The following DDX60L variants were observed in gnomAD, a reference collection of about 807,000 sequenced individuals.
The protein encoded by DDX60L is DExD/H-box 60 like, also known as probable ATP-dependent RNA helicase DDX60-like.
Under a neutral mutation model 211.6 loss-of-function variants are expected in DDX60L, and 191 were observed. That is an observed-to-expected ratio of 0.90 (90% CI 0.80 to 1.02). The LOEUF (loss-of-function observed/expected upper bound fraction) is 1.02, where lower values mean the gene tolerates loss of function less well. DDX60L is among the 50% of genes least tolerant of loss of function. The pLI is 0.00. For synonymous variants in DDX60L, 706 were observed against 694.1 expected, an observed-to-expected ratio of 1.02 and a Z score of -0.27; for missense variants, 2,007 against 1,984.1, an observed-to-expected ratio of 1.01 and a Z score of -0.22.
In DDX60L at chr4:168,461,878, G is replaced by A. The variant is rs746804270; in HGVS notation, c.427C>T (p.Leu143=). The A allele has an allele frequency of 1.3e-5, 21 of 1,611,456 alleles. No homozygotes were observed. In the South Asian group the frequency reaches 2.3e-4, roughly 18 times the overall value. ...CTCAGGCCTTCCTCTGAAACTATCA[G>A]AAAATACGGGTAATGCTGTTCCAAG... ...LFLEQHYPYF[L]IVSEEGLSDL... Residue 143 remains leucine, a synonymous_variant, in exon 5 of 38, where the codon CTG becomes TTG. Coordinates refer to ENST00000682922, the MANE Select transcript of DDX60L (RefSeq NM_001012967.3).
At chr4:168,408,549 G>A (rs1748144384) in intron 22 of DDX60L, among the ~76,000 whole-genome samples, 1 of 151,998 alleles carries the variant, frequency 6.6e-6, no homozygotes, top group Admixed American at 6.5e-5. Context: ...ATCATTATAT[G>A]GTTGTATCGG....
At chr4:168,418,230 G>A (rs899040823) in intron 19 of DDX60L, among the ~76,000 whole-genome samples, 2 of 152,120 alleles carry the variant, frequency 1.3e-5, no homozygotes, top group Non-Finnish European at 2.9e-5. Context: ...ACCATGCCTG[G>A]ATAGTTTTTG....
intron 1 of DDX60L, among the ~76,000 whole-genome samples, chr4:168,477,278 G>A (rs1759678018): frequency 6.6e-6 from 1 of 152,180 alleles, no homozygotes. Flanking sequence ...AGCCGGGCGT[G>A]GTGGCAGGCG....
At chr4:168,402,831 T>C (rs1434859557) in intron 25 of DDX60L, among the ~76,000 whole-genome samples, 1 of 152,218 alleles carries the variant, frequency 6.6e-6, no homozygotes, top group Non-Finnish European at 1.5e-5. Flanking sequence ...ACCTAGGATT[T>C]CTGTAGCATA....
At chr4:168,368,179 G>T (rs575476947) in intron 36 of DDX60L, among the ~76,000 whole-genome samples, 1 of 152,350 alleles carries the variant, frequency 6.6e-6, no homozygotes, top group South Asian at 2.1e-4. Flanking sequence ...TCAGAGGTCT[G>T]GAAACCCAGG....
rs539581890 is a variant in DDX60L, at chr4:168,410,436, G to C, written c.2980-3730C>G. Among the ~76,000 whole-genome samples, 4 of 152,306 alleles carry C rather than the reference G, an allele frequency of 2.6e-5. No homozygotes were observed. In the South Asian group the frequency reaches 8.3e-4, roughly 32 times the overall value. ...AAAGCTGAGGAAAGTCTAAGTTATA[G>C]AAGATTTGAATGCCAGGCTACAAAG... On this transcript the variant is annotated intron_variant, in intron 22 of 37. Transcript: ENST00000682922.
rs566417984 is a variant in DDX60L, at chr4:168,469,851, C to G, written c.264+1896G>C. The stretch of plus-strand genomic sequence containing the variant: ...CAAGATTGCGCCACTGCACTCCAGC[C>G]TACGTGACAGAGCGAGACTCTGTCT... On this transcript the variant is annotated intron_variant, in intron 4 of 37. Transcript: ENST00000682922. 2.6e-5 allele frequency: 4 copies of G among 152,262 alleles called. No individual in the cohort carries two copies. The East Asian group carries it at 5.8e-4, about 22-fold the overall frequency. 9.4% of individuals were successfully genotyped at this position (152,262 alleles called of 1,614,324 possible). A position where few individuals can be genotyped will look rare whatever the true frequency, so the allele number is the denominator to read the frequency against.
chr4:168,477,600 AAAGAG>A (rs1224284538), intron 1 of DDX60L, among the ~76,000 whole-genome samples: 1 of 152,182 alleles, frequency 6.6e-6, no homozygotes, highest in Non-Finnish European at 1.5e-5. Context: ...TTAGATGTAA[AAAGAG>A]AAGACACAGA....
chr4:168,409,956 T>C (rs1748397404), intron 22 of DDX60L, among the ~76,000 whole-genome samples: 1 of 152,148 alleles, frequency 6.6e-6, no homozygotes, highest in Non-Finnish European at 1.5e-5. Context: ...GAGAAATATA[T>C]ATAAATATTA....
chr4:168,446,551 GAAA>G (rs957177417), intron 9 of DDX60L, among the ~76,000 whole-genome samples: 1 of 152,104 alleles, frequency 6.6e-6, no homozygotes. Context: ...ATACGGAACC[GAAA>G]AAGAGACTGC....
chr4:168,384,756 A>C lies in DDX60L; in HGVS notation c.3972T>G (p.Phe1324Leu). The part of the protein sequence containing the change: ...GQDLLGNVYF[F>L]DIPLPKIKRL... ...TTTTTATTTTGGGCAATGGGATATCAAAGAAATACACATTTCCAAGCAGGT... is the reference window on the plus strand; with the variant it reads ...TTTTTATTTTGGGCAATGGGATATCCAAGAAATACACATTTCCAAGCAGGT... Residue 1324 changes from phenylalanine (F) to leucine (L), a missense_variant, in exon 30 of 38, where the codon TTT (phenylalanine) becomes TTG (leucine). Coordinates refer to ENST00000682922, the MANE Select transcript of DDX60L (RefSeq NM_001012967.3). 1.2e-6 allele frequency: 2 copies of C among 1,613,764 alleles called. No individual in the cohort carries two copies. Among genetic ancestry groups the C allele is most frequent in the South Asian group, 1.1e-5 (1 of 91,052 alleles).
chr4:168,366,142 C>A (rs1256607625), intron 36 of DDX60L, among the ~76,000 whole-genome samples: 1 of 152,146 alleles, frequency 6.6e-6, no homozygotes, highest in East Asian at 1.9e-4. Context: ...CTAGCCAGGG[C>A]AAGCAGACAA....
chr4:168,471,794 C>T lies in DDX60L; in HGVS notation c.217G>A (p.Val73Met). The T allele has an allele frequency of 6.2e-7, 1 of 1,612,362 alleles. No homozygotes were observed. The highest frequency in any genetic ancestry group is 1.3e-5 in the African/African-American group (1 of 74,860). ...HFFYLVECYL[V>M]DLLSNGGQFT... The stretch of plus-strand genomic sequence containing the variant: ...TGTCCTCCGTTACTCAGAAGATCCA[C>T]AAGATAGCATTCAACCAGATAGAAA... The change falls in exon 4 of 38, where the codon GTG becomes ATG. Residue 73 changes from valine (V) to methionine (M), a missense_variant. By Grantham distance (21) the Val-to-Met change is conservative (BLOSUM62 1). Coordinates refer to ENST00000682922, the MANE Select transcript of DDX60L (RefSeq NM_001012967.3).
intron 22 of DDX60L, among the ~76,000 whole-genome samples, chr4:168,408,890 C>T (rs1433601639): frequency 6.6e-6 from 1 of 152,166 alleles, no homozygotes; most frequent in Non-Finnish European, 1.5e-5. Context: ...CCATGCCTTC[C>T]TTCCCAAAGC....
intron 36 of DDX60L, among the ~76,000 whole-genome samples, chr4:168,370,849 T>G (rs1177920378): frequency 0.01 from 1,531 of 152,258 alleles, 27 homozygotes; most frequent in African/African-American, 0.034. Flanking sequence ...CTTTCCCCAT[T>G]TCTACCTACT....
intron 4 of DDX60L, 101 bp from the exon 5 acceptor site, chr4:168,462,141 A>G (rs577885259): frequency 1.2e-6 from 1 of 848,518 alleles, no homozygotes; most frequent in East Asian, 2.7e-5. Flanking sequence ...GACTGAACTC[A>G]TGTGATCTAA....
rs1430046290 is a variant in DDX60L at position 168,477,405 on chromosome 4, A to G, written c.-111+2972T>C. ...ACTCCAGCCTGGGCGACAGAGCAAG[A>G]CTCTGTCTAAAAAAAAAAAAAAGTG... On this transcript the variant is annotated intron_variant, in intron 1 of 37. Transcript: ENST00000682922. Among the ~76,000 whole-genome samples, 3 of 151,014 alleles carry G rather than the reference A, an allele frequency of 2.0e-5. No individual in the cohort carries two copies. In the East Asian group the frequency reaches 5.9e-4, roughly 29 times the overall value.
At chr4:168,365,013 TG>T (rs1472712881) in intron 36 of DDX60L, among the ~76,000 whole-genome samples, 2 of 152,064 alleles carry the variant, frequency 1.3e-5, no homozygotes, top group African/African-American at 4.8e-5. Context: ...ACAAAACTTA[TG>T]GAACACAGAA....
chr4:168,410,405 G>C (rs1336023996), intron 22 of DDX60L, among the ~76,000 whole-genome samples: 1 of 152,162 alleles, frequency 6.6e-6, no homozygotes, highest in Non-Finnish European at 1.5e-5. Context: ...TCCAGGGTTT[G>C]AGTGAAAAGC....
Sources: allele counts gnomAD v4.1 joint callset (sites outside exome capture counted in the v4.1 genomes callset), GRCh38; gene constraint gnomAD v4.1.1; transcripts MANE v1.5; gene names NCBI Gene and HGNC (gene_info 2026-07-23, HGNC 2026-07-21).